NTRK2: variants seen among roughly 807,000 people sequenced by gnomAD.
The protein encoded by NTRK2 is BDNF/NT-3 growth factors receptor.
Under a neutral mutation model 94.5 loss-of-function variants are expected in NTRK2, and 13 were observed. The ratio of observed to expected loss-of-function variants is 0.14; its 90% CI spans 0.09 to 0.22. The LOEUF is 0.22. Among genes scored for constraint, NTRK2 ranks in the 10% least tolerant of loss-of-function variants. The pLI is 1.00. For missense variants in NTRK2, 639 were observed against 1,071.2 expected (o/e 0.60, Z 5.63); for synonymous variants, 372 against 407.4 (o/e 0.91, Z 1.05).
chr9:84,776,059 CATT>C (rs1417358012), intron 12 of NTRK2, among the ~76,000 whole-genome samples: 1 of 152,074 alleles, frequency 6.6e-6, no homozygotes, highest in African/African-American at 2.4e-5. Flanking sequence ...CTGTTTTCTA[CATT>C]ATTACCTAAG....
At chr9:84,857,199 G>A (rs1234146960) in intron 12 of NTRK2, among the ~76,000 whole-genome samples, 4 of 151,546 alleles carry the variant, frequency 2.6e-5, no homozygotes, top group African/African-American at 4.9e-5. Context: ...CCTTCTCTCC[G>A]GTCAGGGAAA....
At chr9:84,928,764 A>G (rs2077913207) in intron 14 of NTRK2, among the ~76,000 whole-genome samples, 1 of 152,322 alleles carries the variant, frequency 6.6e-6, no homozygotes, top group South Asian at 2.1e-4. Flanking sequence ...TGCTAAAGGC[A>G]GGCTCTGCAT....
intron 14 of NTRK2, among the ~76,000 whole-genome samples, chr9:84,901,013 C>T (rs1411195315): frequency 2.6e-5 from 4 of 152,008 alleles, no homozygotes; most frequent in South Asian, 2.1e-4. Flanking sequence ...AATAAAACTA[C>T]GAAGTAGAAC....
At chr9:84,796,204 C>A (rs2069309414) in intron 12 of NTRK2, among the ~76,000 whole-genome samples, 1 of 152,142 alleles carries the variant, frequency 6.6e-6, no homozygotes, top group South Asian at 2.1e-4. Flanking sequence ...CTGGCTCTTT[C>A]CACCTTTCAT....
intron 14 of NTRK2, among the ~76,000 whole-genome samples, chr9:84,880,893 T>C (rs566742415): frequency 6.6e-6 from 1 of 152,338 alleles, no homozygotes; most frequent in Non-Finnish European, 1.5e-5. Flanking sequence ...GTTTGGAGTA[T>C]GAATTATTCA....
chr9:84,748,741 T>C (rs1430888702), intron 11 of NTRK2, among the ~76,000 whole-genome samples: 1 of 152,204 alleles, frequency 6.6e-6, no homozygotes, highest in Admixed American at 6.5e-5. Context: ...TCTGTAGAAG[T>C]CTGCAATTTA....
At chr9:84,844,068 G>A (rs2074334106) in intron 12 of NTRK2, among the ~76,000 whole-genome samples, 1 of 152,222 alleles carries the variant, frequency 6.6e-6, no homozygotes, top group Admixed American at 6.5e-5. Flanking sequence ...CCAAGGCCTA[G>A]GTGAGGAGTT....
chr9:84,942,399 G>A (rs907990415), intron 15 of NTRK2, among the ~76,000 whole-genome samples: 3 of 152,166 alleles, frequency 2.0e-5, no homozygotes, highest in Non-Finnish European at 4.4e-5. Context: ...TTCTAAATGC[G>A]TGGTTAATCA....
chr9:84,958,179 T>A (rs1431324016), intron 17 of NTRK2, among the ~76,000 whole-genome samples: 1 of 152,044 alleles, frequency 6.6e-6, no homozygotes, highest in Non-Finnish European at 1.5e-5. Flanking sequence ...GTGGTGGCAA[T>A]TGTACAACAT....
chr9:84,993,198 CCT>C (rs1829314131), intron 17 of NTRK2, among the ~76,000 whole-genome samples: 1 of 152,148 alleles, frequency 6.6e-6, no homozygotes, highest in African/African-American at 2.4e-5. Context: ...CAGTCTCACT[CCT>C]CTTCCCAAAG....
At chr9:84,706,533 T>TTTG (rs1156492739) in intron 4 of NTRK2, among the ~76,000 whole-genome samples, 6 of 124,906 alleles carry the variant, frequency 4.8e-5, no homozygotes, top group African/African-American at 8.8e-5. Flanking sequence ...TTTTGTTTTT[T>TTTG]TTTTTTTTTT....
At chr9:84,870,331 G>GTGTGTGTGTGTGTATATATATATATA (rs1349303529) in intron 14 of NTRK2, among the ~76,000 whole-genome samples, 41 of 31,166 alleles carry the variant, frequency 1.3e-3, no homozygotes, top group Admixed American at 5.6e-3. Context: ...GTGTGTGTGT[G>GTGTGTGTGTGTGTATATATATATATA]TATATATATA....
At chr9:84,972,995 T>C (rs1448994142) in intron 17 of NTRK2, among the ~76,000 whole-genome samples, 1 of 152,248 alleles carries the variant, frequency 6.6e-6, no homozygotes, top group African/African-American at 2.4e-5. Context: ...CTTTCCTTCC[T>C]TCTTTCAAAC....
At position 84,955,496 on chromosome 9, in the gene NTRK2, G is replaced by T; in HGVS notation, c.2151G>T (p.Val717=). 6.2e-7 allele frequency: 1 copy of T among 1,614,140 alleles called. No individual in the cohort carries two copies. Among genetic ancestry groups the T allele is most frequent in the South Asian group, 1.1e-5 (1 of 91,068 alleles). ...KIGDFGMSRD[V]YSTDYYRVGG... is the part of the protein sequence containing the mutation. Reference sequence around the variant, plus strand: ...GGGACTTTGGGATGTCCCGGGACGTGTACAGCACTGACTACTACAGGGTGA... The same window carrying T: ...GGGACTTTGGGATGTCCCGGGACGTTTACAGCACTGACTACTACAGGGTGA... The change falls in exon 17 of 19, where the codon GTG becomes GTT. Residue 717 remains valine (V), a synonymous_variant. Transcript: ENST00000277120.
chr9:84,688,919 C>T (rs1270012063), intron 2 of NTRK2, among the ~76,000 whole-genome samples: 3 of 152,100 alleles, frequency 2.0e-5, no homozygotes, highest in Non-Finnish European at 4.4e-5. Context: ...GTTAAGGGCT[C>T]CACTAGGATG....
chr9:85,012,002 C>G (rs202054284), intron 17 of NTRK2, among the ~76,000 whole-genome samples: 107 of 6,558 alleles, frequency 0.016, 1 homozygote, highest in African/African-American at 0.041. Flanking sequence ...TTTTATTTTA[C>G]TTTTGAGATG....
At chr9:84,750,111 C>A (rs748668103) in intron 11 of NTRK2, among the ~76,000 whole-genome samples, 1 of 152,068 alleles carries the variant, frequency 6.6e-6, no homozygotes, top group Non-Finnish European at 1.5e-5. Flanking sequence ...GCACTATTGG[C>A]GTTTGGGGAT....
At chr9:84,977,489 GA>G (rs1206973442) in intron 17 of NTRK2, among the ~76,000 whole-genome samples, 1 of 152,220 alleles carries the variant, frequency 6.6e-6, no homozygotes, top group Non-Finnish European at 1.5e-5. Flanking sequence ...ACCTTCACTG[GA>G]AATGTGCATA....
intron 17 of NTRK2, among the ~76,000 whole-genome samples, chr9:85,008,751 A>G (rs532138688): frequency 8.5e-5 from 13 of 152,272 alleles, no homozygotes; most frequent in African/African-American, 3.1e-4. Context: ...GAGGGGGAGA[A>G]TGTACCTGGA....
Sources: gnomAD v4.1 joint callset for allele counts (sites outside exome capture counted in the v4.1 genomes callset) on GRCh38, gnomAD v4.1.1 for gene constraint, MANE v1.5 for transcripts, NCBI Gene and HGNC (gene_info 2026-07-23, HGNC 2026-07-21) for gene names.